The following ANKRD27 variants were observed in gnomAD, a reference collection of about 807,000 sequenced individuals.
ANKRD27 encodes ankyrin repeat domain 27.
A neutral mutation model predicts 129.7 loss-of-function variants in ANKRD27; 112 were observed. The ratio of observed to expected loss-of-function variants is 0.86; its 90% confidence interval spans 0.74 to 1.01. The LOEUF is 1.01. Ranked by LOEUF, ANKRD27 falls within the 50% of genes least tolerant of loss-of-function variation. The pLI is 0.00. For missense variants in ANKRD27, 1,258 were observed against 1,300.5 expected, an observed-to-expected ratio of 0.97 and a Z score of 0.50; for synonymous variants, 516 against 511.2, an observed-to-expected ratio of 1.01 and a Z score of -0.13.
In ANKRD27 at chr19:32,626,816, G is replaced by C. The variant is rs764927915; in HGVS notation, c.1432C>G (p.Leu478Val). The change falls in exon 16 of 29, where the codon CTC (leucine) becomes GTC (valine). Residue 478 changes from leucine (L) to valine (V), a missense_variant. Leu to Val is a conservative substitution (Grantham distance 32, BLOSUM62 1). Coordinates refer to ENST00000306065, the MANE Select transcript of ANKRD27 (RefSeq NM_032139.3). ...HVAAVCGQAS[L>V]IDLLVSKGAM... ...CCCTTGGAAACCAGGAGGTCGATGA[G>C]GGATGCCTGCCCTGCAGAGCAGAAG... The C allele has an allele frequency of 6.2e-7, 1 of 1,609,384 alleles. No individual in the cohort carries two copies. The highest frequency in any genetic ancestry group is 1.7e-4 in the Middle Eastern group (1 of 6,060).
At chr19:32,658,765 G>T in intron 2 of ANKRD27, 149 bp downstream of exon 2, 1 of 684,436 alleles carries the variant, frequency 1.5e-6, no homozygotes, top group Non-Finnish European at 2.6e-6. Context: ...GCTCATGGGG[G>T]CCCCTCGCTG....
In ANKRD27 at chr19:32,597,299, A is replaced by G. The variant is rs1971584577; in HGVS notation, c.*846T>C. On this transcript the variant is annotated 3_prime_UTR_variant, in exon 29 of 29. Transcript: ENST00000306065. ...TAAATGGCAATAAATTCTAACCGAA[A>G]GTAACTCTGACCTGGTTTGTGCTGT... The G allele has an allele frequency of 6.6e-6, 1 of 152,656 alleles. No homozygotes were observed. Among genetic ancestry groups the G allele is most frequent in the African/African-American group, 2.4e-5 (1 of 41,462 alleles). The allele number at this position is 152,656 out of a possible 1,614,324, so 9.5% of individuals were successfully genotyped here.
intron 12 of ANKRD27, among the ~76,000 whole-genome samples, chr19:32,636,723 C>CTCTA (rs1303688619): frequency 1.1e-3 from 156 of 143,272 alleles, no homozygotes; most frequent in African/African-American, 1.6e-3. Flanking sequence ...CTCTCTCTCT[C>CTCTA]TATATATATA....
chr19:32,618,917 A>C (rs1347479456), intron 20 of ANKRD27, among the ~76,000 whole-genome samples: 1 of 152,226 alleles, frequency 6.6e-6, no homozygotes, highest in Non-Finnish European at 1.5e-5. Flanking sequence ...ATCTCAAAAA[A>C]TAAAAAATAA....
At position 32,597,396 on chromosome 19, in the gene ANKRD27, C is replaced by G. The variant is rs1051142564; in HGVS notation, c.*749G>C. 1 of 152,722 alleles carries G rather than the reference C, an allele frequency of 6.5e-6. No individual in the cohort carries two copies. Among genetic ancestry groups the G allele is most frequent in the East Asian group, 1.9e-4 (1 of 5,188 alleles). 9.5% of individuals were successfully genotyped at this position (152,722 alleles called of 1,614,324 possible). A position where few individuals can be genotyped will look rare whatever the true frequency, so the allele number is the denominator to read the frequency against. On this transcript the variant is annotated 3_prime_UTR_variant, in exon 29 of 29. Coordinates refer to ENST00000306065, the MANE Select transcript of ANKRD27 (RefSeq NM_032139.3). ...CTACTCTCTAATCCAGTAACCATCC[C>G]GTCAGGTGTGAGTGTGACAGACATT...
chr19:32,650,987 C>T (rs1323162658), intron 2 of ANKRD27, among the ~76,000 whole-genome samples: 1 of 152,082 alleles, frequency 6.6e-6, no homozygotes, highest in African/African-American at 2.4e-5. Flanking sequence ...TCAAGCGATC[C>T]TTCCACCTTG....
At chr19:32,636,498 T>C (rs259232) in intron 12 of ANKRD27, 44 of 122,428 alleles carry the variant, frequency 3.6e-4, no homozygotes, top group East Asian at 2.4e-3. Flanking sequence ...CTGGCTCACA[T>C]GCCTCAAAAA....
intron 1 of ANKRD27, among the ~76,000 whole-genome samples, chr19:32,665,211 C>G (rs1194942229): frequency 6.6e-6 from 1 of 151,654 alleles, no homozygotes; most frequent in Non-Finnish European, 1.5e-5. Flanking sequence ...TTTACAATAT[C>G]AAATGAATCA....
chr19:32,617,864 C>G (rs1172768312), intron 20 of ANKRD27, among the ~76,000 whole-genome samples: 1 of 151,776 alleles, frequency 6.6e-6, no homozygotes, highest in Non-Finnish European at 1.5e-5. Flanking sequence ...AAGCGATTCT[C>G]CTGCCTCAGC....
chr19:32,659,233 C>T (rs1214462021), intron 1 of ANKRD27, among the ~76,000 whole-genome samples, 188 bp from the exon 2 acceptor site: 1 of 151,226 alleles, frequency 6.6e-6, no homozygotes, highest in East Asian at 2.0e-4. Flanking sequence ...AGGCGCCCAC[C>T]ACCACACCCG....
Position 32,622,440 on chromosome 19 carries a change from C to G in ANKRD27, c.1809G>C (p.Lys603Asn). 1 of 1,613,794 alleles carries G rather than the reference C, an allele frequency of 6.2e-7. No homozygotes were observed. The highest frequency in any genetic ancestry group is 8.5e-7 in the Non-Finnish European group (1 of 1,180,032). ...IQNRLKETPL[K>N]CALNSKILSV... Reference sequence around the variant, plus strand: ...GAGCTACCTTTGAGTTTAATGCACACTTGAGGGGCGTCTCCTTCAGTCTGT... The same window carrying G: ...GAGCTACCTTTGAGTTTAATGCACAGTTGAGGGGCGTCTCCTTCAGTCTGT... Residue 603 changes from lysine (K) to asparagine (N), a missense_variant, in exon 18 of 29, where the codon AAG becomes AAC. Transcript: ENST00000306065.
At chr19:32,639,548 A>C (rs1467944212) in intron 11 of ANKRD27, 60 bp from the exon 12 acceptor site, 3 of 1,567,496 alleles carry the variant, frequency 1.9e-6, no homozygotes, top group African/African-American at 2.7e-5. Flanking sequence ...TCTGCAAAAA[A>C]AATATCATTG....
chr19:32,627,833 G>A lies in ANKRD27; in HGVS notation c.1420+250C>T, dbSNP rs80045915. On this transcript the variant is annotated intron_variant, in intron 15 of 28. Coordinates refer to ENST00000306065, the MANE Select transcript of ANKRD27 (RefSeq NM_032139.3). ...TGCTGGGCCCCCAGCCTGCGGGAGCGTTAGGCAGTGTTTCCATGCCGTGGG... is the reference window on the plus strand; with the variant it reads ...TGCTGGGCCCCCAGCCTGCGGGAGCATTAGGCAGTGTTTCCATGCCGTGGG... Among the ~76,000 whole-genome samples, 2,414 of 152,358 alleles carry A rather than the reference G, an allele frequency of 0.016. 140 individuals are homozygous for A. In the East Asian group the frequency reaches 0.21, roughly 13 times the overall value.
At chr19:32,645,787 T>A (rs1967291582) in intron 4 of ANKRD27, among the ~76,000 whole-genome samples, 1 of 150,632 alleles carries the variant, frequency 6.6e-6, no homozygotes, top group African/African-American at 2.4e-5. Context: ...CACGCACCAC[T>A]GCACGTGGCT....
intron 13 of ANKRD27, among the ~76,000 whole-genome samples, chr19:32,629,366 A>G (rs778920780): frequency 6.6e-6 from 1 of 151,814 alleles, no homozygotes; most frequent in East Asian, 1.9e-4. Context: ...TCATTCTACT[A>G]CTCTATTTCT....
At chr19:32,672,416 T>C (rs1054724303) in intron 1 of ANKRD27, among the ~76,000 whole-genome samples, 4 of 152,172 alleles carry the variant, frequency 2.6e-5, no homozygotes, top group South Asian at 2.1e-4. Context: ...CCTGGTTCCC[T>C]GCAGAGATGG....
chr19:32,628,737 TCA>T lies in ANKRD27; in HGVS notation c.1320_1321del (p.Cys440Ter). 6.2e-7 allele frequency: 1 copy of T among 1,614,028 alleles called. No homozygotes were observed. Among genetic ancestry groups the T allele is most frequent in the Non-Finnish European group, 8.5e-7 (1 of 1,179,956 alleles). On this transcript the variant is annotated stop_gained and frameshift_variant, in exon 14 of 29. Coordinates refer to ENST00000306065, the MANE Select transcript of ANKRD27 (RefSeq NM_032139.3). LOFTEE classifies it high-confidence loss of function. ...ACCCTCTTACCCAGAGACGAGTTTC[TCA>T]CAGTCATCGCAGAAGCAGAGAGGGT...
chr19:32,664,907 G>A (rs915853312), intron 1 of ANKRD27, among the ~76,000 whole-genome samples: 51 of 117,314 alleles, frequency 4.3e-4, no homozygotes, highest in African/African-American at 1.6e-3. Context: ...GTGACAGAGT[G>A]AGACTCTGTC....
At position 32,631,502 on chromosome 19, in the gene ANKRD27, G is replaced by GA. The variant is rs1966991769; in HGVS notation, c.1117-9dup. On this transcript the variant is annotated splice_polypyrimidine_tract_variant and intron_variant, in intron 12 of 28. Transcript: ENST00000306065. ...TCCAAATCCCTCAGACTCCTGCAGG[G>GA]AAAAAACCAAACACACCACGAGATG... The GA allele has an allele frequency of 5.6e-6, 9 of 1,612,520 alleles. No homozygotes were observed. The East Asian group carries it at 8.9e-5, about 16-fold the overall frequency.
Sources: allele counts gnomAD v4.1 joint callset (sites outside exome capture counted in the v4.1 genomes callset), GRCh38; gene constraint gnomAD v4.1.1; transcripts MANE v1.5; gene names NCBI Gene and HGNC (gene_info 2026-07-23, HGNC 2026-07-21).